The following CLUH variants were observed in gnomAD, a reference collection of about 807,000 sequenced individuals.
The protein encoded by CLUH is clustered mitochondria protein homolog.
In CLUH, 77 loss-of-function variants were observed where a neutral mutation model predicts 139.3. The ratio of observed to expected loss-of-function variants is 0.55; its 90% CI spans 0.46 to 0.67. The LOEUF is 0.67. Ranked by LOEUF, CLUH falls within the 30% of genes least tolerant of loss-of-function variation. The pLI, the probability that CLUH is intolerant of heterozygous loss-of-function variation, is 0.00. For missense variants in CLUH, 1,876 were observed against 1,875.8 expected, an observed-to-expected ratio of 1.00 and a Z score of 0.00; for synonymous variants, 999 against 801.6, an observed-to-expected ratio of 1.25 and a Z score of -4.16.
chr17:2,692,871 A>G lies in CLUH; in HGVS notation c.3232-11T>C. On this transcript the variant is annotated splice_polypyrimidine_tract_variant and intron_variant, in intron 19 of 25. Coordinates refer to ENST00000651024, the MANE Select transcript of CLUH (RefSeq NM_001366661.1). ...CTGGTTACTCAGGGCCTGGGGAGAGACAGTGGTGGTTGCCGCGGCGTGGGA... is the reference window on the plus strand; with the variant it reads ...CTGGTTACTCAGGGCCTGGGGAGAGGCAGTGGTGGTTGCCGCGGCGTGGGA... The G allele has an allele frequency of 6.4e-7, 1 of 1,574,772 alleles. No individual in the cohort carries two copies. The highest frequency in any genetic ancestry group is 1.2e-5 in the South Asian group (1 of 86,330).
intron 21 of CLUH, 22 bp from the exon 22 acceptor site, chr17:2,692,504 C>T (rs1433497655): frequency 1.3e-6 from 2 of 1,596,544 alleles, no homozygotes; most frequent in African/African-American, 1.3e-5. Context: ...CGGTGGGGGG[C>T]CCTGGTCAGC....
Position 2,695,197 on chromosome 17 carries a change from C to T in CLUH, c.2607+21G>A, listed in dbSNP as rs756934952. 6.4e-5 allele frequency: 103 copies of T among 1,613,830 alleles called. No individual in the cohort carries two copies. In the East Asian group the frequency reaches 1.2e-3, roughly 19 times the overall value. On this transcript the variant is annotated intron_variant, in intron 15 of 25. Transcript: ENST00000651024. ...ACCACCCTGGGAGGCCATGGCCAGCCGCAGAGCGGACGGGTGGCACCTGTA... is the reference window on the plus strand; with the variant it reads ...ACCACCCTGGGAGGCCATGGCCAGCTGCAGAGCGGACGGGTGGCACCTGTA...
At chr17:2,692,166 G>T in intron 22 of CLUH, 69 bp from the exon 23 acceptor site, 1 of 1,489,760 alleles carries the variant, frequency 6.7e-7, no homozygotes, top group Non-Finnish European at 9.1e-7. Context: ...CTGACTCGGG[G>T]GCCCGGGGTC....
rs2070292689 is a variant in CLUH at position 2,704,560 on chromosome 17, C to T, written c.105G>A (p.Leu35=). 2 of 1,557,060 alleles carry T rather than the reference C, an allele frequency of 1.3e-6. No individual in the cohort carries two copies. Among genetic ancestry groups the T allele is most frequent in the Non-Finnish European group, 1.7e-6 (2 of 1,151,378 alleles). Residue 35 remains leucine, a synonymous_variant, in exon 2 of 26, where the codon CTG becomes CTA. Transcript: ENST00000651024. The surrounding 1 kb of genome is among the most constrained non-coding windows in gnomAD (Gnocchi z 5.7). ...GGKGRPGAAE[L]PSVMLLNGDC... The stretch of plus-strand genomic sequence containing the variant: ...CCCCGTTTAAGAGCATGACTGATGG[C>T]AGCTCTGCGGGTGACAAGAACGGGT...
chr17:2,711,604 G>A lies in CLUH; in HGVS notation c.58C>T (p.His20Tyr). The A allele has an allele frequency of 3.0e-6, 3 of 983,806 alleles. No homozygotes were observed. The highest frequency in any genetic ancestry group is 1.0e-3 in the Middle Eastern group (2 of 1,912). The allele number at this position is 983,806 out of a possible 1,614,324, so 60.9% of individuals were successfully genotyped here. The stretch of plus-strand genomic sequence containing the variant: ...CCCTTGCCCCCGGCCTGCGAGCCGT[G>A]TTCCCGGGCGCTGTCGGCCGGGGCG... ...AAAPADSARE[H>Y]GSQAGGKGRP... is the part of the protein sequence containing the mutation. The change falls in exon 1 of 26, where the codon CAC (histidine) becomes TAC (tyrosine). Residue 20 changes from histidine to tyrosine, a missense_variant. Coordinates refer to ENST00000651024, the MANE Select transcript of CLUH (RefSeq NM_001366661.1).
chr17:2,693,666 G>GT (rs1555529937), intron 19 of CLUH, among the ~76,000 whole-genome samples: 1 of 152,150 alleles, frequency 6.6e-6, no homozygotes, highest in Non-Finnish European at 1.5e-5. Context: ...CTGACGCCCT[G>GT]TGGGGGGGTC....
Position 2,703,246 on chromosome 17 carries a change from G to A in CLUH, c.475+72C>T. The stretch of plus-strand genomic sequence containing the variant: ...GCTCATCCGTGACACAGGGACCCTG[G>A]CATGGATGGTGCTGCCTGCCTCTGC... On this transcript the variant is annotated intron_variant, in intron 3 of 25. Coordinates refer to ENST00000651024, the MANE Select transcript of CLUH (RefSeq NM_001366661.1). This position sits in a 1 kb window ranked among gnomAD's most constrained non-coding sequence, Gnocchi z 4.2. 6.8e-7 allele frequency: 1 copy of A among 1,468,760 alleles called. No individual in the cohort carries two copies. Among genetic ancestry groups the A allele is most frequent in the South Asian group, 1.3e-5 (1 of 79,222 alleles). 91.0% of individuals were successfully genotyped at this position (1,468,760 alleles called of 1,614,324 possible).
At position 2,700,686 on chromosome 17, in the gene CLUH, G is replaced by T. The variant is rs1429216828; in HGVS notation, c.1165C>A (p.Pro389Thr). The T allele has an allele frequency of 6.5e-7, 1 of 1,527,580 alleles. No individual in the cohort carries two copies. The highest frequency in any genetic ancestry group is 2.3e-5 in the East Asian group (1 of 44,236). The allele number at this position is 1,527,580 out of a possible 1,614,324, so 94.6% of individuals were successfully genotyped here. A position where few individuals can be genotyped will look rare whatever the true frequency, so the allele number is the denominator to read the frequency against. Residue 389 changes from proline to threonine, a missense_variant, in exon 8 of 26, where the codon CCT becomes ACT. By Grantham distance (38) the Pro-to-Thr change is conservative (BLOSUM62 -1). Transcript: ENST00000651024. ...TSRLGYEEHI[P>T]GQTRDWNEEL... is the part of the protein sequence containing the mutation. ...GGCCAGGTTGCAGGCACCTGTCCAG[G>T]AATGTGCTCCTCATAGCCCAGCCTC...
At chr17:2,694,410 G>A in intron 17 of CLUH, 70 bp downstream of exon 17, 1 of 1,528,082 alleles carries the variant, frequency 6.5e-7, no homozygotes, top group Non-Finnish European at 8.9e-7. Flanking sequence ...GGCCAGGAGT[G>A]GGAGCCTGCA....
chr17:2,701,124 G>C lies in CLUH; in HGVS notation c.1025+16C>G, dbSNP rs373104145. On this transcript the variant is annotated intron_variant, in intron 7 of 25. Transcript: ENST00000651024. ...CGTGTGCCATGAGACAAGGCGGGAG[G>C]GGACAAAGGCACTACCTTTTCTTCT... is the stretch of plus-strand genomic sequence containing the variant. 6.2e-6 allele frequency: 10 copies of C among 1,613,742 alleles called. No individual in the cohort carries two copies. In the African/African-American group the frequency reaches 1.3e-4, roughly 21 times the overall value.
intron 13 of CLUH, chr17:2,695,729 T>G: frequency 1.5e-6 from 1 of 678,426 alleles, no homozygotes; most frequent in Non-Finnish European, 2.4e-6. Flanking sequence ...ACAGGCCCCC[T>G]CTAACCATGT....
intron 3 of CLUH, among the ~76,000 whole-genome samples, chr17:2,702,950 G>A (rs1341888085): frequency 3.9e-5 from 6 of 151,996 alleles, no homozygotes; most frequent in Admixed American, 1.3e-4. Context: ...TCAGCCTCCC[G>A]AGTAGCTGGG....
intron 22 of CLUH, 67 bp from the exon 23 acceptor site, chr17:2,692,164 G>T: frequency 6.7e-7 from 1 of 1,495,650 alleles, no homozygotes; most frequent in South Asian, 1.2e-5. Flanking sequence ...GCCTGACTCG[G>T]GGGCCCGGGG....
Position 2,693,887 on chromosome 17 carries a change from G to A in CLUH, c.3231+13C>T, listed in dbSNP as rs745832091. ...ACGAGGCCAGGCCTTTGCTGCCACAGCCCAGAGGGTACCTCTGCGTAGTCG... is the reference window on the plus strand; with the variant it reads ...ACGAGGCCAGGCCTTTGCTGCCACAACCCAGAGGGTACCTCTGCGTAGTCG... On this transcript the variant is annotated intron_variant, in intron 19 of 25. Transcript: ENST00000651024. 7 of 1,602,960 alleles carry A rather than the reference G, an allele frequency of 4.4e-6. No individual in the cohort carries two copies. The highest frequency in any genetic ancestry group is 6.0e-6 in the Non-Finnish European group (7 of 1,175,104).
chr17:2,709,250 C>T, intron 1 of CLUH, among the ~76,000 whole-genome samples: 1 of 152,104 alleles, frequency 6.6e-6, no homozygotes, highest in South Asian at 2.1e-4. Context: ...AGTGAGGCTC[C>T]AGCAGGAAGT....
intron 16 of CLUH, 31 bp downstream of exon 16, chr17:2,694,826 A>ACCCCCCCCCCCCCCCCCCCCCCCCCCCCC: frequency 2.5e-6 from 2 of 796,176 alleles, no homozygotes; most frequent in Non-Finnish European, 3.6e-6. Context: ...GCCCAATCCC[A>ACCCCCCCCCCCCCCCCCCCCCCCCCCCCC]CCCACCCCAC....
intron 9 of CLUH, among the ~76,000 whole-genome samples, chr17:2,699,991 T>C (rs924672928): frequency 6.6e-6 from 1 of 152,216 alleles, no homozygotes; most frequent in Non-Finnish European, 1.5e-5. Context: ...CCAGCACTAA[T>C]AACTTTTAAA....
chr17:2,696,392 G>A lies in CLUH; in HGVS notation c.2290+42C>T, dbSNP rs746117605. 8.5e-6 allele frequency: 13 copies of A among 1,538,154 alleles called. No homozygotes were observed. The South Asian group carries it at 1.3e-4, about 15-fold the overall frequency. ...GGCCCAGGCCCCCCAGCGAAGCTCTGGCCCTGGAGGGCTCCTGCGCTGGCC... is the reference window on the plus strand; with the variant it reads ...GGCCCAGGCCCCCCAGCGAAGCTCTAGCCCTGGAGGGCTCCTGCGCTGGCC... On this transcript the variant is annotated intron_variant, in intron 12 of 25. Coordinates refer to ENST00000651024, the MANE Select transcript of CLUH (RefSeq NM_001366661.1).
intron 16 of CLUH, 75 bp from the exon 17 acceptor site, chr17:2,694,639 A>G: frequency 7.9e-7 from 1 of 1,268,728 alleles, no homozygotes; most frequent in Non-Finnish European, 1.1e-6. Context: ...CCAGCTCCCC[A>G]ACGCTGTCCA....
Sources: gnomAD v4.1 joint callset for allele counts (sites outside exome capture counted in the v4.1 genomes callset) on GRCh38, gnomAD v4.1.1 for gene constraint, Gnocchi (gnomAD v3.1) non-coding constraint, MANE v1.5 for transcripts, NCBI Gene and HGNC (gene_info 2026-07-23, HGNC 2026-07-21) for gene names.